The following MTMR8 variants were observed in gnomAD, a reference collection of about 807,000 sequenced individuals.
MTMR8 encodes the protein myotubularin related protein 8, also known as phosphatidylinositol-3,5-bisphosphate 3-phosphatase MTMR8.
Under a neutral mutation model 39.3 loss-of-function variants are expected in MTMR8, and 65 were observed. The ratio of observed to expected loss-of-function variants is 1.65; its 90% CI spans 1.35 to 2.03. MTMR8 has a LOEUF of 2.03. Among genes scored for constraint, MTMR8 ranks in the 30% most tolerant of loss-of-function variants. The pLI, the probability that MTMR8 is intolerant of heterozygous loss-of-function variation, is 0.00. For synonymous variants in MTMR8, 245 were observed against 185.2 expected, an observed-to-expected ratio of 1.32 and a Z score of -2.62; for missense variants, 777 against 538.9, an observed-to-expected ratio of 1.44 and a Z score of -4.37.
At chrX:64,331,093 G>T in intron 11 of MTMR8, among the ~76,000 whole-genome samples, 1 of 111,497 alleles carries the variant, frequency 9.0e-6, no homozygotes, top group Non-Finnish European at 1.9e-5. Context: ...AATACCACCT[G>T]TTCCTCAAAA....
chrX:64,375,290 G>T (rs1924240265), intron 1 of MTMR8, among the ~76,000 whole-genome samples: 1 of 109,403 alleles, frequency 9.1e-6, no homozygotes, highest in Admixed American at 9.8e-5. Context: ...GGGAGGCAGA[G>T]ACTGCAGTGA....
intron 1 of MTMR8, among the ~76,000 whole-genome samples, chrX:64,386,905 T>A (rs955656437): frequency 2.0e-4 from 22 of 109,404 alleles, no homozygotes; most frequent in South Asian, 1.2e-3. Context: ...CTAAAAAAAT[T>A]AGCCATGTGT....
chrX:64,335,315 A>G (rs761802304), intron 10 of MTMR8, among the ~76,000 whole-genome samples: 2 of 111,086 alleles, frequency 1.8e-5, no homozygotes, highest in South Asian at 7.7e-4. Context: ...TATTTTTAGT[A>G]GAGAAGGGGT....
chrX:64,294,423 C>A (rs1803072323), intron 12 of MTMR8, among the ~76,000 whole-genome samples: 1 of 111,280 alleles, frequency 9.0e-6, no homozygotes, highest in Non-Finnish European at 1.9e-5. Context: ...TAGATGCCTG[C>A]CCCATTATTT....
intron 2 of MTMR8, among the ~76,000 whole-genome samples, chrX:64,358,268 A>C (rs954301064): frequency 1.8e-5 from 2 of 111,810 alleles, no homozygotes; most frequent in African/African-American, 6.5e-5. Context: ...ATCAGAGCTT[A>C]GTCTAGCCCA....
intron 1 of MTMR8, among the ~76,000 whole-genome samples, chrX:64,387,556 C>T (rs1272169375): frequency 9.1e-6 from 1 of 110,119 alleles, no homozygotes; most frequent in Non-Finnish European, 1.9e-5. Flanking sequence ...TCAGACCCTC[C>T]CCTCTTTCTA....
At chrX:64,292,431 T>A (rs905132349) in intron 12 of MTMR8, among the ~76,000 whole-genome samples, 1 of 111,020 alleles carries the variant, frequency 9.0e-6, no homozygotes, top group Admixed American at 9.6e-5. Flanking sequence ...GACCTCGCTG[T>A]TGGTTGCTTT....
intron 2 of MTMR8, among the ~76,000 whole-genome samples, chrX:64,357,930 A>G (rs1053994816): frequency 1.8e-5 from 2 of 111,608 alleles, no homozygotes; most frequent in Admixed American, 9.5e-5. Flanking sequence ...CAGGGAAGGT[A>G]GGCAGACTAA....
At chrX:64,335,370 G>A (rs764497209) in intron 10 of MTMR8, among the ~76,000 whole-genome samples, 11 of 111,724 alleles carry the variant, frequency 9.8e-5, no homozygotes, top group South Asian at 3.8e-4. Context: ...GACCTCAGGC[G>A]ATTTGCCCGC....
chrX:64,374,725 A>C (rs1381975506), intron 1 of MTMR8, among the ~76,000 whole-genome samples: 3 of 111,345 alleles, frequency 2.7e-5, no homozygotes, highest in Non-Finnish European at 5.7e-5. Context: ...TATTTGGAAA[A>C]GGGGTCTTTG....
intron 12 of MTMR8, among the ~76,000 whole-genome samples, chrX:64,316,043 A>G (rs1033476549): frequency 9.0e-6 from 1 of 111,041 alleles, no homozygotes; most frequent in Non-Finnish European, 1.9e-5. Context: ...TCCCTCCCCT[A>G]TTTATAATAT....
intron 7 of MTMR8, among the ~76,000 whole-genome samples, chrX:64,344,184 T>C (rs1053192405): frequency 3.6e-5 from 4 of 111,533 alleles, no homozygotes; most frequent in African/African-American, 1.3e-4. Flanking sequence ...GCAATAATTA[T>C]CCAGCAGAGG....
At chrX:64,327,380 A>G (rs1001281381) in intron 12 of MTMR8, among the ~76,000 whole-genome samples, 19 of 112,282 alleles carry the variant, frequency 1.7e-4, no homozygotes, top group African/African-American at 4.8e-4. Context: ...ATCTGAATAG[A>G]TACTTTTCAA....
chrX:64,316,041 C>T (rs998858862), intron 12 of MTMR8, among the ~76,000 whole-genome samples: 2 of 111,352 alleles, frequency 1.8e-5, no homozygotes, highest in African/African-American at 6.5e-5. Flanking sequence ...TTTCCCTCCC[C>T]TATTTATAAT....
chrX:64,376,047 T>C (rs751402969), intron 1 of MTMR8, among the ~76,000 whole-genome samples: 2 of 111,971 alleles, frequency 1.8e-5, no homozygotes, highest in Non-Finnish European at 3.8e-5. Context: ...GCTTCCACCA[T>C]TATTGTAAGT....
chrX:64,323,631 A>T (rs1335515309), intron 12 of MTMR8, among the ~76,000 whole-genome samples: 1 of 112,457 alleles, frequency 8.9e-6, no homozygotes, highest in African/African-American at 3.2e-5. Flanking sequence ...AGAACATGAA[A>T]CTTTCTCTAG....
At chrX:64,367,458 T>C (rs1198014174) in intron 1 of MTMR8, among the ~76,000 whole-genome samples, 1 of 111,853 alleles carries the variant, frequency 8.9e-6, no homozygotes, top group African/African-American at 3.2e-5. Flanking sequence ...GTTCAACATA[T>C]GCAAATCAAT....
Position 64,356,301 on chromosome X carries a change from G to T in MTMR8, c.185C>A (p.Pro62His), listed in dbSNP as rs145085079. 273 of 1,206,194 alleles carry T rather than the reference G, an allele frequency of 2.3e-4. 1 individual carries two copies. The African/African-American group carries it at 4.3e-3, about 19-fold the overall frequency. Reference sequence around the variant, plus strand: ...CAGGGGACAACCCAGGCTAGTGATGGGTAACTTCTCCACAGTGGCAATGTG... The same window carrying T: ...CAGGGGACAACCCAGGCTAGTGATGTGTAACTTCTCCACAGTGGCAATGTG... ...LHHIATVEKLPITSLGCPLTL... is the reference protein window; with the variant it reads ...LHHIATVEKLHITSLGCPLTL... Residue 62 changes from proline to histidine, a missense_variant, in exon 3 of 14, where the codon CCC (proline) becomes CAC (histidine). By Grantham distance (77) the Pro-to-His change is moderately conservative (BLOSUM62 -2). Coordinates refer to ENST00000374852, the MANE Select transcript of MTMR8 (RefSeq NM_017677.4).
chrX:64,285,739 G>A (rs980295854), intron 12 of MTMR8, among the ~76,000 whole-genome samples: 6 of 111,622 alleles, frequency 5.4e-5, no homozygotes, highest in African/African-American at 1.6e-4. Flanking sequence ...GGTACATAAC[G>A]AAATGAAGGC....
Sources: gnomAD v4.1 joint callset for allele counts (sites outside exome capture counted in the v4.1 genomes callset) on GRCh38, gnomAD v4.1.1 for gene constraint, MANE v1.5 for transcripts, NCBI Gene and HGNC (gene_info 2026-07-23, HGNC 2026-07-21) for gene names.